The following APBA2 variants were observed in gnomAD, a reference collection of about 807,000 sequenced individuals.
The protein encoded by APBA2 is amyloid beta precursor protein binding family A member 2.
APBA2 carries 30 observed loss-of-function variants against 75.0 expected under a neutral mutation model. That is an observed-to-expected ratio of 0.40 (90% CI 0.30 to 0.54). The LOEUF (loss-of-function observed/expected upper bound fraction) is 0.54, where lower values mean the gene tolerates loss of function less well. Among genes scored for constraint, APBA2 ranks in the 20% least tolerant of loss-of-function variants. The probability of loss-of-function intolerance (pLI) is 0.49; values close to 1 mark genes in which losing one functional copy is unlikely to be tolerated. For synonymous variants in APBA2, 444 were observed against 409.6 expected (o/e 1.08, Z -1.01); for missense variants, 801 against 1,016.1 (o/e 0.79, Z 2.88).
At chr15:29,087,285 C>T (rs908069147) in intron 6 of APBA2, among the ~76,000 whole-genome samples, 1 of 151,742 alleles carries the variant, frequency 6.6e-6, no homozygotes. Flanking sequence ...ATTTATTATG[C>T]TTTTTCTGGG....
intron 13 of APBA2, among the ~76,000 whole-genome samples, chr15:29,109,472 C>A (rs1386562428): frequency 6.6e-6 from 1 of 152,240 alleles, no homozygotes; most frequent in African/African-American, 2.4e-5. Context: ...CACAAAGCCA[C>A]TCAGGGGCCC....
At chr15:28,886,961 C>CGGG in intron 1 of APBA2, among the ~76,000 whole-genome samples, 1 of 152,302 alleles carries the variant, frequency 6.6e-6, no homozygotes, top group South Asian at 2.1e-4. Flanking sequence ...ATCGAGGCCC[C>CGGG]CGGTCCCCAA....
At chr15:29,052,023 C>T (rs1238400523) in intron 3 of APBA2, among the ~76,000 whole-genome samples, 1 of 152,082 alleles carries the variant, frequency 6.6e-6, no homozygotes, top group African/African-American at 2.4e-5. Flanking sequence ...TAAGCATTTT[C>T]AAGTGTGCAA....
chr15:28,945,903 TGAG>T (rs1427003121), intron 2 of APBA2, among the ~76,000 whole-genome samples: 1 of 152,168 alleles, frequency 6.6e-6, no homozygotes, highest in African/African-American at 2.4e-5. Flanking sequence ...AGAGTCGTGA[TGAG>T]GAGGAGGACT....
At chr15:28,952,423 G>A (rs1205137890) in intron 2 of APBA2, among the ~76,000 whole-genome samples, 2 of 151,920 alleles carry the variant, frequency 1.3e-5, no homozygotes, top group South Asian at 2.1e-4. Context: ...TCCCACCTCC[G>A]TGGGAGGCAG....
chr15:29,112,298 G>A (rs1021128401), intron 13 of APBA2, among the ~76,000 whole-genome samples: 6 of 152,212 alleles, frequency 3.9e-5, no homozygotes, highest in Non-Finnish European at 5.9e-5. Flanking sequence ...GACCTGCAGC[G>A]GTTCTCCCTG....
At chr15:28,994,216 T>G (rs1034277979) in intron 2 of APBA2, among the ~76,000 whole-genome samples, 7 of 152,184 alleles carry the variant, frequency 4.6e-5, no homozygotes, top group African/African-American at 1.7e-4. Flanking sequence ...TTTGAAGTAG[T>G]TATTGGCCAG....
chr15:28,891,542 A>T (rs1183547677), intron 1 of APBA2, among the ~76,000 whole-genome samples: 5 of 152,264 alleles, frequency 3.3e-5, no homozygotes, highest in African/African-American at 1.2e-4. Flanking sequence ...CTTCACAGGG[A>T]TGGGGAGAGG....
chr15:29,046,793 A>T lies in APBA2; in HGVS notation c.-40-7052A>T, dbSNP rs1000059140. 1.3e-5 allele frequency among the ~76,000 whole-genome samples: 2 copies of T among 152,136 alleles called. No individual in the cohort carries two copies. The highest frequency in any genetic ancestry group is 4.8e-5 in the African/African-American group (2 of 41,440). On this transcript the variant is annotated intron_variant, in intron 3 of 14. Transcript: ENST00000683413. The surrounding 1 kb of genome is among the most constrained non-coding windows in gnomAD (Gnocchi z 5.0). ...CCCTGCTTTCCTCAGTCCCTCCAAGATGCACCCATATCCCACTGCAGGGAT... is the reference window on the plus strand; with the variant it reads ...CCCTGCTTTCCTCAGTCCCTCCAAGTTGCACCCATATCCCACTGCAGGGAT...
At chr15:29,101,871 C>G (rs2044146238) in intron 10 of APBA2, 87 bp downstream of exon 10, 1 of 1,355,608 alleles carries the variant, frequency 7.4e-7, no homozygotes, top group Non-Finnish European at 1.0e-6. Context: ...AAACCACCCT[C>G]AGGTGGAAAG....
At chr15:28,951,976 C>T (rs1194626741) in intron 2 of APBA2, among the ~76,000 whole-genome samples, 1 of 150,748 alleles carries the variant, frequency 6.6e-6, no homozygotes, top group African/African-American at 2.4e-5. Flanking sequence ...GTAATCTCCA[C>T]CTCATGGGTT....
intron 6 of APBA2, among the ~76,000 whole-genome samples, chr15:29,079,315 C>T (rs2042985558): frequency 6.6e-6 from 1 of 152,060 alleles, no homozygotes; most frequent in Non-Finnish European, 1.5e-5. Flanking sequence ...TGTGTGGGTG[C>T]AGTGTGGACT....
Position 29,101,695 on chromosome 15 carries a change from G to C in APBA2, c.1435G>C (p.Ala479Pro). Residue 479 changes from alanine (A) to proline (P), a missense_variant, in exon 10 of 15, where the codon GCC becomes CCC. Transcript: ENST00000683413. The stretch of plus-strand genomic sequence containing the variant: ...GGCCAGACGCCGCATGCCCCGGTCA[G>C]CCTCTCAGGACTGCATCGAGACCAC... ...LMARRRMPRS[A>P]SQDCIETTPG... 6.2e-7 allele frequency: 1 copy of C among 1,613,716 alleles called. No homozygotes were observed. Among genetic ancestry groups the C allele is most frequent in the Non-Finnish European group, 8.5e-7 (1 of 1,180,042 alleles).
intron 8 of APBA2, among the ~76,000 whole-genome samples, chr15:29,096,197 A>G (rs2043841590): frequency 6.6e-6 from 1 of 152,162 alleles, no homozygotes; most frequent in Non-Finnish European, 1.5e-5. Context: ...ATCCACAGAC[A>G]TGCCGAGGCC....
intron 8 of APBA2, 110 bp downstream of exon 8, chr15:29,094,423 A>G (rs2043746671): frequency 1.9e-6 from 2 of 1,066,520 alleles, no homozygotes; most frequent in African/African-American, 1.6e-5. Context: ...TAATGTTGCA[A>G]AGCAGCTTTT....
Position 29,039,131 on chromosome 15 carries a change from G to A in APBA2, c.-40-14714G>A, listed in dbSNP as rs1391040346. 4.7e-5 allele frequency among the ~76,000 whole-genome samples: 7 copies of A among 149,634 alleles called. No homozygotes were observed. In the East Asian group the frequency reaches 1.2e-3, roughly 25 times the overall value. On this transcript the variant is annotated intron_variant, in intron 3 of 14. Coordinates refer to ENST00000683413, the MANE Select transcript of APBA2 (RefSeq NM_001353788.2). ...TGTGTGTGTGTGTGTGTGTGTGTGT[G>A]TGTGTGTGTGTGTGTGTGTGTGTGT...
intron 2 of APBA2, among the ~76,000 whole-genome samples, chr15:28,976,529 T>C (rs1490081): frequency 0.033 from 5,077 of 152,318 alleles, 197 homozygotes; most frequent in East Asian, 0.16. Context: ...AGGAGTTTTT[T>C]CTCCCTTTAA....
At chr15:29,043,096 C>G (rs781506249) in intron 3 of APBA2, among the ~76,000 whole-genome samples, 2 of 152,058 alleles carry the variant, frequency 1.3e-5, no homozygotes, top group African/African-American at 4.8e-5. Context: ...CAGCAAATAC[C>G]GGCCAGGCCA....
At chr15:28,907,168 TGTA>T (rs2033173603) in intron 1 of APBA2, among the ~76,000 whole-genome samples, 1 of 152,202 alleles carries the variant, frequency 6.6e-6, no homozygotes, top group Non-Finnish European at 1.5e-5. Flanking sequence ...GTATTTTAGA[TGTA>T]GTGTGAGTTG....
Sources: gnomAD v4.1 joint callset for allele counts (sites outside exome capture counted in the v4.1 genomes callset) on GRCh38, gnomAD v4.1.1 for gene constraint, Gnocchi (gnomAD v3.1) non-coding constraint, MANE v1.5 for transcripts, NCBI Gene and HGNC (gene_info 2026-07-23, HGNC 2026-07-21) for gene names.